The following SMCO1 variants were observed in gnomAD, a reference collection of about 807,000 sequenced individuals.
The protein encoded by SMCO1 is single-pass membrane protein with coiled-coil domains 1.
In SMCO1, 9 loss-of-function variants were observed where a neutral mutation model predicts 7.5. The ratio of observed to expected loss-of-function variants is 1.20; its 90% CI spans 0.72 to 2.09. SMCO1 has a LOEUF of 2.09. Among genes scored for constraint, SMCO1 ranks in the 30% most tolerant of loss-of-function variants. The probability of loss-of-function intolerance (pLI) is 0.00; values close to 1 mark genes in which losing one functional copy is unlikely to be tolerated. For synonymous variants in SMCO1, 90 were observed against 93.8 expected (o/e 0.96, Z 0.23); for missense variants, 219 against 253.1 (o/e 0.87, Z 0.91).
chr3:196,517,191 A>G (rs1045404089), upstream of SMCO1, among the ~76,000 whole-genome samples: 3 of 146,294 alleles, frequency 2.1e-5, no homozygotes, highest in African/African-American at 7.7e-5. Flanking sequence ...CTTCGTCCCC[A>G]TTTCAGCCAC....
In SMCO1 at chr3:196,509,648, C is replaced by T. The variant is rs371593591; in HGVS notation, c.72G>A (p.Ala24=). Residue 24 remains alanine, a synonymous_variant, in exon 2 of 3, where the codon GCG becomes GCA. Transcript: ENST00000397537. ...CTAGTTCTTTGAACTGTGTTTCTAA[C>T]GCTTGGAGTTTGTGGTCTACTCTGT... ...AMKRVDHKLQ[A]LETQFKELDF... 6.9e-5 allele frequency: 112 copies of T among 1,613,848 alleles called. No homozygotes were observed. The highest frequency in any genetic ancestry group is 8.8e-5 in the Non-Finnish European group (104 of 1,179,934).
upstream of SMCO1, among the ~76,000 whole-genome samples, chr3:196,515,987 G>GGA (rs1491133396): frequency 3.3e-3 from 28 of 8,524 alleles, no homozygotes; most frequent in East Asian, 0.02. Flanking sequence ...CAAGAGGATA[G>GGA]GATATATATA....
At position 196,507,854 on chromosome 3, in the gene SMCO1, G is replaced by C. The variant is rs368414591; in HGVS notation, c.*33C>G. ...TTTGCTGTTTCCAAGATAAATTACT[G>C]TAGGTGGAATCACTGGGTCATAGGG... is the stretch of plus-strand genomic sequence containing the variant. On this transcript the variant is annotated 3_prime_UTR_variant, in exon 3 of 3. Transcript: ENST00000397537. 7.3e-7 allele frequency: 1 copy of C among 1,366,602 alleles called. No homozygotes were observed. The highest frequency in any genetic ancestry group is 1.0e-6 in the Non-Finnish European group (1 of 983,446). 84.7% of individuals were successfully genotyped at this position (1,366,602 alleles called of 1,614,324 possible).
the SMCO1 span, among the ~76,000 whole-genome samples, chr3:196,520,908 A>G: frequency 5.9e-5 from 9 of 152,276 alleles, no homozygotes; most frequent in Non-Finnish European, 5.9e-5. Flanking sequence ...AATAATTAGT[A>G]TAAACATTGT....
chr3:196,517,091 C>T (rs928189971), upstream of SMCO1, among the ~76,000 whole-genome samples: 12 of 105,116 alleles, frequency 1.1e-4, no homozygotes, highest in Admixed American at 3.1e-4. Context: ...GGTGACACAG[C>T]GAGACTCCAT....
chr3:196,515,099 C>A, intron 1 of SMCO1, 61 bp downstream of exon 1: 1 of 1,585,878 alleles, frequency 6.3e-7, no homozygotes, highest in South Asian at 1.1e-5. Flanking sequence ...TCATTCTTCT[C>A]TTACCCATCT....
chr3:196,514,544 A>G (rs921809086), intron 1 of SMCO1, among the ~76,000 whole-genome samples: 1 of 152,204 alleles, frequency 6.6e-6, no homozygotes, highest in African/African-American at 2.4e-5. Flanking sequence ...GTCACATTAA[A>G]TTGTAAATGT....
chr3:196,519,701 C>T (rs114403762), upstream of SMCO1, among the ~76,000 whole-genome samples: 1 of 152,316 alleles, frequency 6.6e-6, no homozygotes, highest in African/African-American at 2.4e-5. Flanking sequence ...GTTAAAGAAG[C>T]CTTGCCTTTT....
rs79673145 is a variant in SMCO1 at position 196,509,590 on chromosome 3, C to A, written c.130G>T (p.Glu44Ter). 1.5e-5 allele frequency: 24 copies of A among 1,613,892 alleles called. No homozygotes were observed. The South Asian group carries it at 1.5e-4, about 10-fold the overall frequency. ...CTTGCCAAAGCCTTACTATGATGTTCGAATTTCTGCATCAGGTTATCCTTG... is the reference window on the plus strand; with the variant it reads ...CTTGCCAAAGCCTTACTATGATGTTAGAATTTCTGCATCAGGTTATCCTTG... ...FTKDNLMQKF[E>*]HHSKALASQA... The change falls in exon 2 of 3, where the codon GAA (glutamate) becomes TAA (stop). Residue 44 changes from glutamate (E) to a stop codon, truncating the protein, a stop_gained. Coordinates refer to ENST00000397537, the MANE Select transcript of SMCO1 (RefSeq NM_001077657.3). LOFTEE classifies it high-confidence loss of function.
At chr3:196,519,263 G>T (rs1370519662), upstream of SMCO1, among the ~76,000 whole-genome samples, 5 of 152,198 alleles carry the variant, frequency 3.3e-5, no homozygotes, top group African/African-American at 9.7e-5. Flanking sequence ...GGAACAGAGG[G>T]CCTCCCCTTT....
chr3:196,510,402 C>A (rs1463654648), intron 1 of SMCO1, among the ~76,000 whole-genome samples: 1 of 152,198 alleles, frequency 6.6e-6, no homozygotes, highest in Non-Finnish European at 1.5e-5. Flanking sequence ...GACCTAATGT[C>A]ATAAAGTTAG....
chr3:196,520,838 T>C, the SMCO1 span, among the ~76,000 whole-genome samples: 1 of 152,068 alleles, frequency 6.6e-6, no homozygotes, highest in African/African-American at 2.4e-5. Flanking sequence ...ATAAAGAAAA[T>C]AGTTAGAATA....
At chr3:196,510,222 C>T (rs1359488199) in intron 1 of SMCO1, among the ~76,000 whole-genome samples, 1 of 152,168 alleles carries the variant, frequency 6.6e-6, no homozygotes, top group Non-Finnish European at 1.5e-5. Context: ...CCTGTCTTAG[C>T]CTCCCAAAGT....
At chr3:196,509,090 C>T (rs1733140927) in intron 2 of SMCO1, among the ~76,000 whole-genome samples, 1 of 151,170 alleles carries the variant, frequency 6.6e-6, no homozygotes, top group Non-Finnish European at 1.5e-5. Flanking sequence ...CGCTTTGTCA[C>T]CCAGGCTGGA....
intron 1 of SMCO1, among the ~76,000 whole-genome samples, chr3:196,511,854 TGGG>T (rs1733244349): frequency 7.3e-6 from 1 of 136,212 alleles, no homozygotes; most frequent in South Asian, 2.1e-4. Context: ...GAAACCTGCC[TGGG>T]CTGCCTAGAT....
intron 2 of SMCO1, among the ~76,000 whole-genome samples, chr3:196,508,727 A>G (rs1422655114): frequency 6.6e-6 from 1 of 150,444 alleles, no homozygotes; most frequent in Non-Finnish European, 1.5e-5. Context: ...ACCTGAGGTC[A>G]GGAGTTTGAG....
intron 2 of SMCO1, among the ~76,000 whole-genome samples, chr3:196,509,216 A>ACTT (rs1553864967): frequency 1.9e-5 from 2 of 108,022 alleles, no homozygotes; most frequent in Non-Finnish European, 3.7e-5. Flanking sequence ...CACCCGGCTA[A>ACTT]TTTTTTTTTT....
At chr3:196,516,415 G>A (rs1733390785), upstream of SMCO1, among the ~76,000 whole-genome samples, 1 of 151,982 alleles carries the variant, frequency 6.6e-6, no homozygotes, top group Non-Finnish European at 1.5e-5. Context: ...GAGAAATTGT[G>A]TGAGCAAAAT....
At chr3:196,516,399 G>A (rs1560286302), upstream of SMCO1, among the ~76,000 whole-genome samples, 2 of 152,048 alleles carry the variant, frequency 1.3e-5, no homozygotes, top group Non-Finnish European at 2.9e-5. Flanking sequence ...AGGGTGTTAC[G>A]AACTGGAGAA....
Sources: allele counts gnomAD v4.1 joint callset (sites outside exome capture counted in the v4.1 genomes callset), GRCh38; gene constraint gnomAD v4.1.1; transcripts MANE v1.5; gene names NCBI Gene and HGNC (gene_info 2026-07-23, HGNC 2026-07-21).